The following NCR1 variants were observed in gnomAD, a reference collection of about 807,000 sequenced individuals.
NCR1 encodes NK cell-activating receptor.
Under a neutral mutation model 32.5 loss-of-function variants are expected in NCR1, and 30 were observed. That is an observed-to-expected ratio of 0.92 (90% CI 0.69 to 1.25). The LOEUF is 1.25. NCR1 is among the 50% of genes most tolerant of loss of function. The pLI is 0.00. For synonymous variants in NCR1, 169 were observed against 143.4 expected (o/e 1.18, Z -1.28); for missense variants, 369 against 380.7 (o/e 0.97, Z 0.26).
upstream of NCR1, among the ~76,000 whole-genome samples, chr19:54,901,386 A>G (rs943280206): frequency 9.0e-5 from 13 of 144,592 alleles, no homozygotes; most frequent in African/African-American, 3.1e-4. Context: ...AAAAAAAAAG[A>G]TTAGTAATAT....
the NCR1 span, chr19:54,930,604 G>C: frequency 6.2e-7 from 1 of 1,611,756 alleles, no homozygotes; most frequent in Middle Eastern, 1.7e-4. Flanking sequence ...GAGGCTGCAG[G>C]CTTCTTGGAG....
At chr19:54,934,335 G>A in the NCR1 span, among the ~76,000 whole-genome samples, 1 of 152,144 alleles carries the variant, frequency 6.6e-6, no homozygotes. This position sits in a 1 kb window ranked among gnomAD's most constrained non-coding sequence, Gnocchi z 6.7. Flanking sequence ...CCTCTCTGCT[G>A]AGATTACAGG....
the NCR1 span, chr19:54,936,417 G>A: frequency 6.2e-7 from 1 of 1,614,062 alleles, no homozygotes. Flanking sequence ...GGTGTCAGGG[G>A]TGACGTTTTT....
At chr19:54,911,588 C>A (rs954372953) in intron 5 of NCR1, among the ~76,000 whole-genome samples, 5 of 152,090 alleles carry the variant, frequency 3.3e-5, no homozygotes, top group African/African-American at 7.2e-5. Context: ...CCCATCTCTA[C>A]TAAAAATACA....
upstream of NCR1, among the ~76,000 whole-genome samples, chr19:54,903,396 G>GTATATACA (rs1439502348): frequency 1.2e-3 from 164 of 135,046 alleles, 13 homozygotes; most frequent in African/African-American, 4.4e-3. Context: ...ATACATATAT[G>GTATATACA]TATATGTATG....
At chr19:54,914,179 C>CTTTTTTTTTTTTTTTT (rs901003519), downstream of NCR1, among the ~76,000 whole-genome samples, 1 of 92,624 alleles carries the variant, frequency 1.1e-5, no homozygotes, top group Non-Finnish European at 2.0e-5. Context: ...TTTTTTTTTT[C>CTTTTTTTTTTTTTTTT]TTTTTTTTTG....
In NCR1 at chr19:54,906,818, G is replaced by A. The variant is rs370298665; in HGVS notation, c.355+11G>A. On this transcript the variant is annotated intron_variant, in intron 3 of 6. Coordinates refer to ENST00000291890, the MANE Select transcript of NCR1 (RefSeq NM_004829.7). Reference sequence around the variant, plus strand: ...ATCTGGTGGTAACAGGTAACTGTCCGGTTCTCTAACTGGAGAGTGATCTCA... The same window carrying A: ...ATCTGGTGGTAACAGGTAACTGTCCAGTTCTCTAACTGGAGAGTGATCTCA... 4.3e-5 allele frequency: 70 copies of A among 1,612,930 alleles called. No individual in the cohort carries two copies. The highest frequency in any genetic ancestry group is 2.6e-4 in the South Asian group (24 of 91,062).
At chr19:54,914,034 C>T (rs1296245191), downstream of NCR1, among the ~76,000 whole-genome samples, 2 of 149,598 alleles carry the variant, frequency 1.3e-5, no homozygotes, top group East Asian at 2.0e-4. Flanking sequence ...CACCACTGCA[C>T]TCCAGCCTAC....
At chr19:54,902,475 A>C (rs886754236), upstream of NCR1, among the ~76,000 whole-genome samples, 1 of 150,124 alleles carries the variant, frequency 6.7e-6, no homozygotes, top group Admixed American at 6.7e-5. Flanking sequence ...TAATTTTTGC[A>C]TTTTTTTTTC....
chr19:54,907,513 T>C (rs587668062), intron 3 of NCR1, among the ~76,000 whole-genome samples: 4 of 150,458 alleles, frequency 2.7e-5, no homozygotes. Context: ...AATATGGTTG[T>C]TTATTATTAT....
the NCR1 span, among the ~76,000 whole-genome samples, chr19:54,930,059 A>G: frequency 0.55 from 79,496 of 144,578 alleles, 22,348 homozygotes; most frequent in East Asian, 0.71. Context: ...AGGTTGCAGT[A>G]AGCCGAGATC....
chr19:54,899,756 A>C, the NCR1 span, among the ~76,000 whole-genome samples: 1 of 152,094 alleles, frequency 6.6e-6, no homozygotes. Context: ...CTAAGGGTGA[A>C]GGACCAAGGC....
At chr19:54,922,952 A>G in the NCR1 span, among the ~76,000 whole-genome samples, 1 of 150,726 alleles carries the variant, frequency 6.6e-6, no homozygotes, top group Non-Finnish European at 1.5e-5. Context: ...AGAAACAAAG[A>G]GAGACACACA....
At chr19:54,903,317 C>G (rs185265310), upstream of NCR1, among the ~76,000 whole-genome samples, 1 of 122,156 alleles carries the variant, frequency 8.2e-6, no homozygotes, top group South Asian at 2.4e-4. Context: ...TGTATACATA[C>G]ATGTATATAT....
At chr19:54,937,468 C>T in the NCR1 span, among the ~76,000 whole-genome samples, 106 of 150,078 alleles carry the variant, frequency 7.1e-4, 1 homozygote, top group South Asian at 0.02. Context: ...GAGGCAGGCG[C>T]ATCACCTTAG....
At chr19:54,935,421 C>T in the NCR1 span, among the ~76,000 whole-genome samples, 3,739 of 152,078 alleles carry the variant, frequency 0.025, 134 homozygotes, top group African/African-American at 0.085. Flanking sequence ...CCTGGCCAGG[C>T]GCAGTGGTTC....
the NCR1 span, among the ~76,000 whole-genome samples, chr19:54,931,876 C>G: frequency 1.3e-5 from 2 of 151,542 alleles, no homozygotes; most frequent in East Asian, 3.9e-4. Flanking sequence ...AAATGGCCTT[C>G]TGATTCCATC....
the NCR1 span, chr19:54,933,474 T>C: frequency 1.3e-6 from 2 of 1,502,340 alleles, no homozygotes; most frequent in South Asian, 2.3e-5. Context: ...TTACCAGGTT[T>C]TTAAAAGTTA....
chr19:54,923,744 CAA>C, the NCR1 span: 2 of 1,612,750 alleles, frequency 1.2e-6, no homozygotes, highest in Admixed American at 1.7e-5. Context: ...GGCTGCTCAG[CAA>C]AAAAAGTCAC....
Sources: allele counts gnomAD v4.1 joint callset (sites outside exome capture counted in the v4.1 genomes callset), GRCh38; gene constraint gnomAD v4.1.1; non-coding constraint Gnocchi (gnomAD v3.1); transcripts MANE v1.5; gene names NCBI Gene and HGNC (gene_info 2026-07-23, HGNC 2026-07-21).